MSANTD7: variants seen among roughly 807,000 people sequenced by gnomAD.
MSANTD7 encodes the protein Myb/SANT DNA binding domain containing 7.
At chr10:14,842,860 A>C in the MSANTD7 span, 2 of 1,502,392 alleles carry the variant, frequency 1.3e-6, no homozygotes. This position sits in a 1 kb window ranked among gnomAD's most constrained non-coding sequence, Gnocchi z 5.2. Context: ...ACTCCCAAGC[A>C]TGTGAAGGAG....
chr10:14,842,325 G>C, the MSANTD7 span: 1 of 1,536,046 alleles, frequency 6.5e-7, no homozygotes. The surrounding 1 kb of genome is among the most constrained non-coding windows in gnomAD (Gnocchi z 5.2). Flanking sequence ...CGGTGGTCCA[G>C]ACAGGAGACA....
At chr10:14,842,217 G>A in the MSANTD7 span, 8 of 1,535,492 alleles carry the variant, frequency 5.2e-6, no homozygotes, top group Non-Finnish European at 7.0e-6. The surrounding 1 kb of genome is among the most constrained non-coding windows in gnomAD (Gnocchi z 5.2). Flanking sequence ...AGCACACAGA[G>A]CTTCCCCACA....
the MSANTD7 span, among the ~76,000 whole-genome samples, chr10:14,839,263 TACTTCATTTGTAG>T: frequency 6.6e-6 from 1 of 152,218 alleles, no homozygotes; most frequent in African/African-American, 2.4e-5. Flanking sequence ...GGAATAATAC[TACTTCATTTGTAG>T]AAATGGGAAG....
chr10:14,845,494 G>T, the MSANTD7 span: 1 of 985,376 alleles, frequency 1.0e-6, no homozygotes. Context: ...GTGTGAGGCG[G>T]CTGGTGTGGT....
At chr10:14,842,777 C>T in the MSANTD7 span, 60 of 1,536,394 alleles carry the variant, frequency 3.9e-5, no homozygotes, top group African/African-American at 7.8e-4. This position sits in a 1 kb window ranked among gnomAD's most constrained non-coding sequence, Gnocchi z 5.2. Flanking sequence ...GGATTGTCAG[C>T]TAAGAATCAG....
chr10:14,838,958 G>A, the MSANTD7 span, among the ~76,000 whole-genome samples: 37 of 152,054 alleles, frequency 2.4e-4, no homozygotes, highest in Admixed American at 2.0e-4. Context: ...CTTGGAGGCG[G>A]TGGTCTCTGG....
At chr10:14,844,491 T>TATA in the MSANTD7 span, 2 of 754,918 alleles carry the variant, frequency 2.6e-6, no homozygotes, top group Admixed American at 7.8e-5. Flanking sequence ...ATTAGACGAC[T>TATA]ATAAGCACAA....
At chr10:14,838,343 C>T in the MSANTD7 span, 10 of 1,517,068 alleles carry the variant, frequency 6.6e-6, no homozygotes, top group Non-Finnish European at 8.9e-6. Context: ...CGTTGGGCGG[C>T]CGGTAGCTGT....
chr10:14,841,907 G>T, the MSANTD7 span, among the ~76,000 whole-genome samples: 1 of 152,158 alleles, frequency 6.6e-6, no homozygotes. Flanking sequence ...GATTTTTACA[G>T]ATCCATTGTT....
At chr10:14,845,259 TA>T in the MSANTD7 span, 1 of 985,126 alleles carries the variant, frequency 1.0e-6, no homozygotes. Flanking sequence ...GGAATACAAA[TA>T]GGAATCTTTA....
chr10:14,845,207 TAAAC>T, the MSANTD7 span: 1 of 985,262 alleles, frequency 1.0e-6, no homozygotes, highest in African/African-American at 1.7e-5. Flanking sequence ...TCTCTGTCAT[TAAAC>T]TAACTTAAAG....
the MSANTD7 span, among the ~76,000 whole-genome samples, chr10:14,839,076 C>T: frequency 6.6e-6 from 1 of 152,196 alleles, no homozygotes; most frequent in East Asian, 1.9e-4. Flanking sequence ...AGCTGCCTGG[C>T]TGTGAAGCCA....
chr10:14,842,327 C>G, the MSANTD7 span: 1 of 1,536,090 alleles, frequency 6.5e-7, no homozygotes, highest in Non-Finnish European at 8.7e-7. This position sits in a 1 kb window ranked among gnomAD's most constrained non-coding sequence, Gnocchi z 5.2. Context: ...GTGGTCCAGA[C>G]AGGAGACACG....
the MSANTD7 span, chr10:14,843,871 T>C: frequency 8.5e-6 from 13 of 1,536,266 alleles, no homozygotes; most frequent in East Asian, 2.4e-5. Flanking sequence ...GCTTCAGAGG[T>C]TGATTTCGAA....
At chr10:14,838,883 G>C in the MSANTD7 span, among the ~76,000 whole-genome samples, 3 of 152,126 alleles carry the variant, frequency 2.0e-5, no homozygotes, top group Non-Finnish European at 4.4e-5. Context: ...AAGGGGTCTC[G>C]CTGACGTCAG....
the MSANTD7 span, chr10:14,844,397 A>C: frequency 1.0e-6 from 1 of 994,470 alleles, no homozygotes; most frequent in Non-Finnish European, 1.2e-6. Flanking sequence ...CTGTGACTTC[A>C]TTGCTTGAAT....
At chr10:14,844,521 C>T in the MSANTD7 span, 1 of 987,310 alleles carries the variant, frequency 1.0e-6, no homozygotes, top group Non-Finnish European at 1.2e-6. Flanking sequence ...GTACCTTAAT[C>T]TCTTACATTT....
the MSANTD7 span, chr10:14,842,104 T>C: frequency 2.7e-6 from 4 of 1,486,380 alleles, no homozygotes; most frequent in South Asian, 4.9e-5. This position sits in a 1 kb window ranked among gnomAD's most constrained non-coding sequence, Gnocchi z 5.2. Context: ...ACACCCTTCC[T>C]GTAACTCTCA....
chr10:14,840,051 T>C, the MSANTD7 span: 7 of 1,207,778 alleles, frequency 5.8e-6, no homozygotes, highest in Non-Finnish European at 7.7e-6. Context: ...AATATATATA[T>C]ATATATATTA....
Sources: gnomAD v4.1 joint callset for allele counts (sites outside exome capture counted in the v4.1 genomes callset) on GRCh38, gnomAD v4.1.1 for gene constraint, Gnocchi (gnomAD v3.1) non-coding constraint, MANE v1.5 for transcripts, NCBI Gene and HGNC (gene_info 2026-07-23, HGNC 2026-07-21) for gene names.